The following EGFLAM variants were observed in gnomAD, a reference collection of about 807,000 sequenced individuals.
The protein encoded by EGFLAM is EGF like, fibronectin type III and laminin G domains, also known as pikachurin.
In EGFLAM, 79 loss-of-function variants were observed where a neutral mutation model predicts 113.1. That is an observed-to-expected ratio of 0.70 (90% CI 0.58 to 0.84). EGFLAM has a LOEUF of 0.84. Ranked by LOEUF, EGFLAM falls within the 40% of genes least tolerant of loss-of-function variation. The pLI is 0.00. For synonymous variants in EGFLAM, 504 were observed against 487.6 expected (o/e 1.03, Z -0.44); for missense variants, 1,265 against 1,291.6 (o/e 0.98, Z 0.32).
intron 1 of EGFLAM, among the ~76,000 whole-genome samples, chr5:38,308,180 G>T (rs1278058917): frequency 6.6e-6 from 1 of 152,192 alleles, no homozygotes; most frequent in East Asian, 1.9e-4. Flanking sequence ...AAAGACAAAA[G>T]GGTAGCCTTT....
intron 1 of EGFLAM, among the ~76,000 whole-genome samples, chr5:38,316,792 C>T (rs1342859859): frequency 2.6e-5 from 4 of 152,148 alleles, no homozygotes; most frequent in African/African-American, 9.7e-5. Context: ...AATAACCTTG[C>T]CAGGCCAGTC....
At chr5:38,348,982 G>C (rs922174505) in intron 3 of EGFLAM, among the ~76,000 whole-genome samples, 1 of 152,264 alleles carries the variant, frequency 6.6e-6, no homozygotes, top group Non-Finnish European at 1.5e-5. Flanking sequence ...AGTGGAGTTC[G>C]GGCCTCAGTC....
intron 6 of EGFLAM, among the ~76,000 whole-genome samples, chr5:38,387,862 C>T (rs969689921): frequency 1.6e-4 from 25 of 152,314 alleles, no homozygotes; most frequent in African/African-American, 4.6e-4. Flanking sequence ...CTTCTAATGT[C>T]GCGAATGGTT....
intron 1 of EGFLAM, among the ~76,000 whole-genome samples, chr5:38,325,904 T>C (rs755671899): frequency 6.6e-6 from 1 of 152,014 alleles, no homozygotes; most frequent in Non-Finnish European, 1.5e-5. Context: ...AAAAAATACC[T>C]GAAAATTAAA....
chr5:38,419,628 A>G, intron 12 of EGFLAM, among the ~76,000 whole-genome samples: 1 of 152,154 alleles, frequency 6.6e-6, no homozygotes, highest in Non-Finnish European at 1.5e-5. Flanking sequence ...TCTTGTAGCT[A>G]ATATTATTAG....
intron 14 of EGFLAM, chr5:38,427,491 A>T (rs1023074969): frequency 5.5e-6 from 3 of 549,242 alleles, no homozygotes; most frequent in Admixed American, 3.7e-5. Flanking sequence ...TAGCAATTGT[A>T]TGCTTCAAAC....
intron 1 of EGFLAM, among the ~76,000 whole-genome samples, chr5:38,307,433 C>T (rs577852627): frequency 6.6e-6 from 1 of 152,318 alleles, no homozygotes; most frequent in Non-Finnish European, 1.5e-5. Flanking sequence ...TGGGGGGCTC[C>T]CCTTCACTCA....
At chr5:38,369,061 T>C (rs564484148) in intron 5 of EGFLAM, among the ~76,000 whole-genome samples, 94 of 152,314 alleles carry the variant, frequency 6.2e-4, no homozygotes, top group African/African-American at 2.1e-3. Context: ...ACTTTTATCT[T>C]GTAGTTCTTA....
chr5:38,366,164 C>T (rs1740054414), intron 5 of EGFLAM, among the ~76,000 whole-genome samples: 2 of 152,142 alleles, frequency 1.3e-5, no homozygotes, highest in Non-Finnish European at 2.9e-5. Context: ...TCTTTGGATC[C>T]TGCATCAAGC....
chr5:38,278,158 A>AATGAAAACAGCATGGTAGTAGC (rs1290771126), intron 1 of EGFLAM, among the ~76,000 whole-genome samples: 1 of 152,214 alleles, frequency 6.6e-6, no homozygotes, highest in Non-Finnish European at 1.5e-5. Flanking sequence ...AAGCTATAGT[A>AATGAAAACAGCATGGTAGTAGC]ATGAAAACAG....
intron 5 of EGFLAM, among the ~76,000 whole-genome samples, chr5:38,368,410 C>T (rs1010580541): frequency 3.9e-5 from 6 of 152,172 alleles, no homozygotes; most frequent in Admixed American, 6.5e-5. Flanking sequence ...ACACACTACC[C>T]CCAGCTTGGT....
In EGFLAM at chr5:38,438,472, G is replaced by C. The variant is rs1742430492; in HGVS notation, c.2464+17G>C. ...GCCAGAAAGGTACGCTCAGGGGTCT[G>C]AGGCACAGCTCCCTGGAGGGAGTGG... On this transcript the variant is annotated intron_variant, in intron 17 of 21. Transcript: ENST00000322350. 1 of 1,580,940 alleles carries C rather than the reference G, an allele frequency of 6.3e-7. No individual in the cohort carries two copies. Among genetic ancestry groups the C allele is most frequent in the Non-Finnish European group, 8.6e-7 (1 of 1,161,096 alleles).
rs1276576486 is a variant in EGFLAM, at chr5:38,409,092, C to T, written c.1337C>T (p.Ser446Phe). 1.3e-6 allele frequency: 2 copies of T among 1,577,066 alleles called. No individual in the cohort carries two copies. The highest frequency in any genetic ancestry group is 2.3e-5 in the East Asian group (1 of 43,262). ...ATGTCCCTGGCTATCATCCGACGCTCCCTGCAGTTCAGGTAATTCCTGCCA... is the reference window on the plus strand; with the variant it reads ...ATGTCCCTGGCTATCATCCGACGCTTCCTGCAGTTCAGGTAATTCCTGCCA... ...DFMSLAIIRRSLQFRFNCGTG... is the reference protein window; with the variant it reads ...DFMSLAIIRRFLQFRFNCGTG... The change falls in exon 10 of 22, where the codon TCC becomes TTC. Residue 446 changes from serine (S) to phenylalanine (F), a missense_variant. Ser to Phe is a radical substitution (Grantham distance 155). Transcript: ENST00000322350.
At chr5:38,331,887 T>A (rs927067582) in intron 1 of EGFLAM, among the ~76,000 whole-genome samples, 4 of 152,220 alleles carry the variant, frequency 2.6e-5, no homozygotes, top group Non-Finnish European at 5.9e-5. Context: ...CTGCTGTATA[T>A]ATCCATGTGC....
chr5:38,462,039 G>C (rs949606234), intron 20 of EGFLAM, among the ~76,000 whole-genome samples: 2 of 152,108 alleles, frequency 1.3e-5, no homozygotes, highest in African/African-American at 2.4e-5. Context: ...GAGGTGGCGG[G>C]CGCCTGTAGT....
chr5:38,266,863 G>A (rs1393339725), intron 1 of EGFLAM, among the ~76,000 whole-genome samples: 2 of 152,264 alleles, frequency 1.3e-5, no homozygotes, highest in Non-Finnish European at 2.9e-5. Context: ...AAATGGTCCA[G>A]GTTTTGCTCA....
At chr5:38,349,817 G>T in intron 3 of EGFLAM, among the ~76,000 whole-genome samples, 1 of 89,898 alleles carries the variant, frequency 1.1e-5, no homozygotes, top group Non-Finnish European at 2.1e-5. Context: ...ACACTTTTAA[G>T]AAAGTCTTCC....
At chr5:38,291,343 G>A (rs910484233) in intron 1 of EGFLAM, among the ~76,000 whole-genome samples, 8 of 152,170 alleles carry the variant, frequency 5.3e-5, no homozygotes, top group Non-Finnish European at 1.2e-4. Flanking sequence ...CTTCCCAAAG[G>A]TCACACTGAA....
chr5:38,306,891 A>T (rs987485447), intron 1 of EGFLAM, among the ~76,000 whole-genome samples: 1 of 152,232 alleles, frequency 6.6e-6, no homozygotes, highest in African/African-American at 2.4e-5. Flanking sequence ...GGGGAAGCTC[A>T]GTGTAACTAC....
Sources: allele counts gnomAD v4.1 joint callset (sites outside exome capture counted in the v4.1 genomes callset), GRCh38; gene constraint gnomAD v4.1.1; transcripts MANE v1.5; gene names NCBI Gene and HGNC (gene_info 2026-07-23, HGNC 2026-07-21).